MTUS2: variants seen among roughly 807,000 people sequenced by gnomAD.
MTUS2 encodes microtubule associated scaffold protein 2.
In MTUS2, 40 loss-of-function variants were observed where a neutral mutation model predicts 114.1. That is an observed-to-expected ratio of 0.35 (90% CI 0.27 to 0.46). The LOEUF (loss-of-function observed/expected upper bound fraction) is 0.46, where lower values mean the gene tolerates loss of function less well. MTUS2 is among the 20% of genes least tolerant of loss of function. MTUS2 has a pLI of 1.00. For missense variants in MTUS2, 1,679 were observed against 1,705.4 expected, an observed-to-expected ratio of 0.98 and a Z score of 0.27; for synonymous variants, 688 against 672.0, an observed-to-expected ratio of 1.02 and a Z score of -0.37.
At chr13:29,438,241 A>T (rs1316520876) in intron 8 of MTUS2, among the ~76,000 whole-genome samples, 10 of 152,192 alleles carry the variant, frequency 6.6e-5, no homozygotes, top group Non-Finnish European at 1.5e-5. Context: ...TCTCAGATGT[A>T]GTTGTTAACT....
At chr13:29,287,135 A>G (rs879687565) in intron 6 of MTUS2, among the ~76,000 whole-genome samples, 6 of 152,236 alleles carry the variant, frequency 3.9e-5, no homozygotes, top group Non-Finnish European at 8.8e-5. Context: ...AGGTCACACA[A>G]TGGCATCCAG....
chr13:29,142,703 CAAAACA>C (rs1322217053), intron 5 of MTUS2, among the ~76,000 whole-genome samples: 7 of 151,902 alleles, frequency 4.6e-5, no homozygotes, highest in Non-Finnish European at 8.8e-5. Context: ...GAGACTGTCT[CAAAACA>C]AAAACAAAAA....
chr13:29,048,245 C>G (rs1339553370), intron 4 of MTUS2, among the ~76,000 whole-genome samples: 1 of 152,078 alleles, frequency 6.6e-6, no homozygotes, highest in African/African-American at 2.4e-5. Flanking sequence ...CCTTGTCTTA[C>G]TTGACATGTT....
intron 5 of MTUS2, among the ~76,000 whole-genome samples, chr13:29,195,156 A>C (rs958646588): frequency 6.6e-6 from 1 of 151,464 alleles, no homozygotes; most frequent in African/African-American, 2.4e-5. Context: ...TGACGAGTTA[A>C]TGGGTGCAGC....
chr13:29,117,206 G>C (rs1281316958), intron 5 of MTUS2, among the ~76,000 whole-genome samples: 1 of 152,172 alleles, frequency 6.6e-6, no homozygotes, highest in Non-Finnish European at 1.5e-5. Flanking sequence ...TAGCCCCTCA[G>C]CTTGGATCTG....
intron 5 of MTUS2, among the ~76,000 whole-genome samples, chr13:29,101,868 T>C (rs994005077): frequency 6.6e-6 from 1 of 152,248 alleles, no homozygotes; most frequent in East Asian, 1.9e-4. Context: ...CAAGCTTGTT[T>C]ATTCTCTGTT....
At chr13:29,492,741 T>G (rs781683590) in intron 12 of MTUS2, 22 bp downstream of exon 12, 1 of 1,575,130 alleles carries the variant, frequency 6.3e-7, no homozygotes, top group South Asian at 1.1e-5. Context: ...TTTAATTTTC[T>G]TACCTGGTAT....
intron 5 of MTUS2, among the ~76,000 whole-genome samples, chr13:29,181,209 T>C (rs1893989540): frequency 8.2e-6 from 1 of 122,578 alleles, no homozygotes; most frequent in Admixed American, 8.5e-5. Flanking sequence ...ATCTGTTCCT[T>C]AGTACCGACT....
chr13:29,083,764 G>C (rs189041145), intron 4 of MTUS2, among the ~76,000 whole-genome samples: 1 of 152,228 alleles, frequency 6.6e-6, no homozygotes, highest in Admixed American at 6.5e-5. Context: ...ATACTAACTG[G>C]TTTTACTAGG....
chr13:28,907,449 G>C (rs1400982825), intron 2 of MTUS2, among the ~76,000 whole-genome samples: 1 of 151,488 alleles, frequency 6.6e-6, no homozygotes, highest in Admixed American at 6.6e-5. Context: ...TTAAAAGACA[G>C]AGAGTGGCAA....
intron 2 of MTUS2, among the ~76,000 whole-genome samples, chr13:28,979,516 C>G (rs535088773): frequency 2.6e-5 from 4 of 151,956 alleles, no homozygotes; most frequent in Non-Finnish European, 5.9e-5. Flanking sequence ...CTAAAACAAC[C>G]CTTTGTTTTT....
At chr13:28,981,203 A>G (rs1375121097) in intron 2 of MTUS2, among the ~76,000 whole-genome samples, 4 of 152,220 alleles carry the variant, frequency 2.6e-5, no homozygotes, top group Admixed American at 1.3e-4. Flanking sequence ...ACCACAATAT[A>G]AAGCATAAAA....
chr13:29,103,553 A>G (rs1480049676), intron 5 of MTUS2, among the ~76,000 whole-genome samples: 1 of 152,236 alleles, frequency 6.6e-6, no homozygotes, highest in Non-Finnish European at 1.5e-5. Context: ...TTGGTGAGTC[A>G]GAGAATGAGT....
chr13:29,144,940 TGAA>T (rs1892370925), intron 5 of MTUS2, among the ~76,000 whole-genome samples: 1 of 152,196 alleles, frequency 6.6e-6, no homozygotes, highest in Non-Finnish European at 1.5e-5. Context: ...GACTGCCTCA[TGAA>T]GAACACATCT....
chr13:29,498,762 G>A (rs1882710312), intron 14 of MTUS2, among the ~76,000 whole-genome samples: 1 of 152,312 alleles, frequency 6.6e-6, no homozygotes, highest in Middle Eastern at 3.4e-3. Flanking sequence ...CTGATGGGCA[G>A]TCTCTTTCTG....
intron 5 of MTUS2, among the ~76,000 whole-genome samples, chr13:29,257,322 G>C (rs189687799): frequency 6.6e-6 from 1 of 152,308 alleles, no homozygotes; most frequent in Admixed American, 6.5e-5. Context: ...GCCATATGCT[G>C]TATGTGCAGA....
chr13:28,853,596 G>T (rs1876438109), intron 2 of MTUS2, among the ~76,000 whole-genome samples: 1 of 152,178 alleles, frequency 6.6e-6, no homozygotes, highest in South Asian at 2.1e-4. Flanking sequence ...CCTTTTTGCT[G>T]CATATGTGTA....
intron 2 of MTUS2, among the ~76,000 whole-genome samples, chr13:28,969,328 A>G (rs1423768934): frequency 6.6e-6 from 1 of 152,178 alleles, no homozygotes; most frequent in African/African-American, 2.4e-5. Context: ...GTGTCTCAAC[A>G]TATACAGTGT....
intron 2 of MTUS2, among the ~76,000 whole-genome samples, chr13:28,895,939 G>T (rs1468963703): frequency 6.6e-6 from 1 of 152,124 alleles, no homozygotes; most frequent in Non-Finnish European, 1.5e-5. Context: ...GGATAATGTG[G>T]TGTGGGAACA....
Sources: gnomAD v4.1 joint callset for allele counts (sites outside exome capture counted in the v4.1 genomes callset) on GRCh38, gnomAD v4.1.1 for gene constraint, MANE v1.5 for transcripts, NCBI Gene and HGNC (gene_info 2026-07-23, HGNC 2026-07-21) for gene names.